Variants in ARAP2 observed in about 807,000 individuals in gnomAD.
The protein encoded by ARAP2 is arf-GAP with Rho-GAP domain, ANK repeat and PH domain-containing protein 2.
Under a neutral mutation model 194.5 loss-of-function variants are expected in ARAP2, and 148 were observed. The ratio of observed to expected loss-of-function variants is 0.76; its 90% CI spans 0.67 to 0.87. The LOEUF (loss-of-function observed/expected upper bound fraction) is 0.87, where lower values mean the gene tolerates loss of function less well. ARAP2 is among the 40% of genes least tolerant of loss of function. ARAP2 has a pLI of 0.00. For synonymous variants in ARAP2, 695 were observed against 683.5 expected, an observed-to-expected ratio of 1.02 and a Z score of -0.26; for missense variants, 2,128 against 1,989.7, an observed-to-expected ratio of 1.07 and a Z score of -1.32.
intron 7 of ARAP2, among the ~76,000 whole-genome samples, chr4:36,192,858 T>C (rs1416613703): frequency 1.3e-5 from 2 of 152,234 alleles, no homozygotes; most frequent in East Asian, 3.9e-4. Context: ...TAGCCAGGCA[T>C]GGTGGTGTGC....
intron 11 of ARAP2, among the ~76,000 whole-genome samples, chr4:36,164,619 T>G (rs921582377): frequency 2.6e-5 from 4 of 152,158 alleles, no homozygotes; most frequent in African/African-American, 9.7e-5. Flanking sequence ...TTCTTCAGGA[T>G]CCATACTAAA....
At chr4:36,203,029 T>G (rs1333717961) in intron 6 of ARAP2, among the ~76,000 whole-genome samples, 1 of 152,178 alleles carries the variant, frequency 6.6e-6, no homozygotes, top group Non-Finnish European at 1.5e-5. Flanking sequence ...GTGCTGATAA[T>G]GGATATATTG....
At chr4:36,202,669 A>AT (rs1744626378) in intron 6 of ARAP2, among the ~76,000 whole-genome samples, 1 of 152,194 alleles carries the variant, frequency 6.6e-6, no homozygotes, top group African/African-American at 2.4e-5. Flanking sequence ...ACACTTCTTT[A>AT]TTTTATGGAG....
chr4:36,124,886 G>T lies in ARAP2; in HGVS notation c.3722C>A (p.Ala1241Glu), dbSNP rs763873647. The T allele has an allele frequency of 3.7e-6, 6 of 1,610,014 alleles. No individual in the cohort carries two copies. The East Asian group carries it at 1.1e-4, about 30-fold the overall frequency. The change falls in exon 22 of 33, where the codon GCA becomes GAA. Residue 1241 changes from alanine to glutamate, a missense_variant. Coordinates refer to ENST00000303965, the MANE Select transcript of ARAP2 (RefSeq NM_015230.4). ...CCTATACAGGTGTTCAATGATAGCTGCTAGTGTTGCTCGGTTGACCCCTGG... is the reference window on the plus strand; with the variant it reads ...CCTATACAGGTGTTCAATGATAGCTTCTAGTGTTGCTCGGTTGACCCCTGG... ...SLPGVNRATLAAIIEHLYRVQ... is the reference protein window; with the variant it reads ...SLPGVNRATLEAIIEHLYRVQ...
intron 6 of ARAP2, among the ~76,000 whole-genome samples, chr4:36,207,599 G>A (rs1328119655): frequency 1.3e-5 from 2 of 152,122 alleles, no homozygotes; most frequent in Admixed American, 6.5e-5. Context: ...AGACAACCAT[G>A]CGAAATAAGC....
chr4:36,050,534 T>A (rs1476597676), intron 3 of ARAP2, among the ~76,000 whole-genome samples: 2 of 152,250 alleles, frequency 1.3e-5, no homozygotes, highest in Non-Finnish European at 2.9e-5. Flanking sequence ...TTCATTCTAA[T>A]CTAAGAAGCT....
intron 11 of ARAP2, 60 bp from the exon 12 acceptor site, chr4:36,161,610 G>C: frequency 7.0e-7 from 1 of 1,431,682 alleles, no homozygotes; most frequent in Non-Finnish European, 9.8e-7. Flanking sequence ...ATTTTACCTT[G>C]TTTTGAAAGA....
chr4:36,183,417 G>C (rs1423669096), intron 8 of ARAP2, among the ~76,000 whole-genome samples: 4 of 152,128 alleles, frequency 2.6e-5, no homozygotes, highest in African/African-American at 4.8e-5. Context: ...TCTAGAATCT[G>C]CTAAGATGGA....
intron 5 of ARAP2, among the ~76,000 whole-genome samples, chr4:36,022,582 G>T (rs1263347432): frequency 6.6e-6 from 1 of 152,070 alleles, no homozygotes; most frequent in African/African-American, 2.4e-5. Flanking sequence ...GAGGTTACAA[G>T]GCCATTGACT....
At chr4:36,132,912 T>G (rs556403316) in intron 20 of ARAP2, among the ~76,000 whole-genome samples, 1 of 151,936 alleles carries the variant, frequency 6.6e-6, no homozygotes, top group African/African-American at 2.4e-5. Flanking sequence ...GTCTTCAATC[T>G]ACTATTTTTT....
intron 1 of ARAP2, among the ~76,000 whole-genome samples, chr4:36,243,318 C>G (rs985869703): frequency 7.5e-6 from 1 of 132,866 alleles, no homozygotes; most frequent in African/African-American, 3.0e-5. Flanking sequence ...TTTCAATACA[C>G]TTCTTGATTT....
intron 9 of ARAP2, among the ~76,000 whole-genome samples, chr4:36,008,182 A>G (rs542289929): frequency 7.9e-5 from 12 of 152,110 alleles, no homozygotes; most frequent in African/African-American, 2.9e-4. Context: ...TTCACAAATT[A>G]GAAAAAATCT....
At position 36,025,757 on chromosome 4, in the gene ARAP2, C is replaced by G. The variant is rs188680272; in HGVS notation, n.608-6471G>C. Among the ~76,000 whole-genome samples, 138 of 151,172 alleles carry G rather than the reference C, an allele frequency of 9.1e-4. 1 individual carries two copies. Among genetic ancestry groups the G allele is most frequent in the African/African-American group, 3.0e-3 (123 of 41,268 alleles). ...GATTGACAGTGAGATAATGGTATCA[C>G]GTAAAATGGTTTTTGTATACTCAGG... is the stretch of plus-strand genomic sequence containing the variant. On this transcript the variant is annotated intron_variant and non_coding_transcript_variant, in intron 5 of 12. Transcript: ENST00000503225.
At chr4:36,170,791 T>A (rs1736434954) in intron 9 of ARAP2, among the ~76,000 whole-genome samples, 1 of 152,154 alleles carries the variant, frequency 6.6e-6, no homozygotes, top group Non-Finnish European at 1.5e-5. Context: ...AAAACAGTCC[T>A]GGCAAAGCAA....
intron 2 of ARAP2, among the ~76,000 whole-genome samples, chr4:36,057,492 A>G (rs1291087525): frequency 6.6e-6 from 1 of 151,964 alleles, no homozygotes; most frequent in Non-Finnish European, 1.5e-5. Context: ...CACATTATAT[A>G]TATGTTTGAC....
chr4:36,031,041 A>G (rs1478767507), intron 5 of ARAP2, among the ~76,000 whole-genome samples: 1 of 152,126 alleles, frequency 6.6e-6, no homozygotes, highest in Non-Finnish European at 1.5e-5. Context: ...GAGGCAGGAG[A>G]ATCCCTTGAA....
In ARAP2 at chr4:36,133,369, T is replaced by C. The variant is rs1481468569; in HGVS notation, c.3284A>G (p.His1095Arg). The C allele has an allele frequency of 2.8e-5, 45 of 1,610,594 alleles. No homozygotes were observed. The East Asian group carries it at 6.7e-4, about 24-fold the overall frequency. Residue 1095 changes from histidine to arginine, a missense_variant, in exon 20 of 33, where the codon CAT (histidine) becomes CGT (arginine). His to Arg is a conservative substitution (Grantham distance 29, BLOSUM62 0). Coordinates refer to ENST00000303965, the MANE Select transcript of ARAP2 (RefSeq NM_015230.4). Reference sequence around the variant, plus strand: ...CCAGACTGTGAAATCCAACTTGGTATGCCCATGGATGTATAATGTTCTGTA... The same window carrying C: ...CCAGACTGTGAAATCCAACTTGGTACGCCCATGGATGTATAATGTTCTGTA... ...EKGRTLYIHG[H>R]TKLDFTVWHT...
chr4:36,165,203 A>G (rs1161966431), intron 10 of ARAP2, 90 bp from the exon 11 acceptor site: 26 of 1,274,090 alleles, frequency 2.0e-5, no homozygotes, highest in Non-Finnish European at 2.9e-5. Flanking sequence ...TTCACTCACA[A>G]ATTAAACAAC....
chr4:36,170,519 C>T (rs1254156668), intron 9 of ARAP2, among the ~76,000 whole-genome samples: 2 of 152,180 alleles, frequency 1.3e-5, no homozygotes, highest in African/African-American at 4.8e-5. Context: ...ATAATTAAGA[C>T]TATCAATTTC....
Sources: allele counts gnomAD v4.1 joint callset (sites outside exome capture counted in the v4.1 genomes callset), GRCh38; gene constraint gnomAD v4.1.1; transcripts MANE v1.5; gene names NCBI Gene and HGNC (gene_info 2026-07-23, HGNC 2026-07-21).